The following SAMSN1 variants were observed in gnomAD, a reference collection of about 807,000 sequenced individuals.
SAMSN1 encodes the protein SAM domain-containing protein SAMSN-1.
Under a neutral mutation model 42.0 loss-of-function variants are expected in SAMSN1, and 31 were observed. The ratio of observed to expected loss-of-function variants is 0.74; its 90% CI spans 0.55 to 1.00. SAMSN1 has a LOEUF of 1.00. SAMSN1 is among the 50% of genes least tolerant of loss of function. The pLI is 0.00. For synonymous variants in SAMSN1, 178 were observed against 151.9 expected, an observed-to-expected ratio of 1.17 and a Z score of -1.26; for missense variants, 464 against 439.4, an observed-to-expected ratio of 1.06 and a Z score of -0.50.
intron 7 of SAMSN1, among the ~76,000 whole-genome samples, chr21:14,492,860 C>G (rs185310325): frequency 6.6e-6 from 1 of 152,280 alleles, no homozygotes; most frequent in Non-Finnish European, 1.5e-5. Context: ...TGCCTGCATG[C>G]TTTCTCTACT....
chr21:14,522,404 T>G (rs1321318817), intron 1 of SAMSN1, among the ~76,000 whole-genome samples: 1 of 152,228 alleles, frequency 6.6e-6, no homozygotes, highest in Non-Finnish European at 1.5e-5. Context: ...ATTTTCTTTC[T>G]AAAGGACTTT....
At chr21:14,641,437 TA>T (rs1863836887) in intron 2 of SAMSN1, among the ~76,000 whole-genome samples, 1 of 152,146 alleles carries the variant, frequency 6.6e-6, no homozygotes, top group South Asian at 2.1e-4. Flanking sequence ...GCGCAAAACT[TA>T]AAAGTAATTT....
At chr21:14,625,928 G>C (rs1029407100) in intron 2 of SAMSN1, among the ~76,000 whole-genome samples, 1 of 152,168 alleles carries the variant, frequency 6.6e-6, no homozygotes, top group Non-Finnish European at 1.5e-5. Context: ...TACTAAAACA[G>C]AGATATAGAC....
chr21:14,599,533 CT>C (rs774582478), intron 6 of SAMSN1, among the ~76,000 whole-genome samples: 2 of 152,152 alleles, frequency 1.3e-5, no homozygotes, highest in East Asian at 3.9e-4. Flanking sequence ...TGAGAGAGGA[CT>C]AATACATGGG....
chr21:14,546,253 C>T lies in SAMSN1; in HGVS notation c.9G>A (p.Lys3=). 1 of 1,613,546 alleles carries T rather than the reference C, an allele frequency of 6.2e-7. No homozygotes were observed. Among genetic ancestry groups the T allele is most frequent in the Non-Finnish European group, 8.5e-7 (1 of 1,179,736 alleles). Residue 3 remains lysine, a synonymous_variant, in exon 1 of 8, where the codon AAG becomes AAA. Coordinates refer to ENST00000400566, the MANE Select transcript of SAMSN1 (RefSeq NM_022136.5). The stretch of plus-strand genomic sequence containing the variant: ...TCTCTGAAACATTGGATGGCTTTCT[C>T]TTGAGCATTTTGAATTCTGACTACT... The part of the protein sequence containing the change: ML[K]RKPSNVSEKE...
chr21:14,523,056 T>TC (rs1006986513), intron 1 of SAMSN1, among the ~76,000 whole-genome samples: 9 of 152,196 alleles, frequency 5.9e-5, no homozygotes, highest in African/African-American at 2.2e-4. Flanking sequence ...AGGAACTGAT[T>TC]TTTTTTTCTC....
At chr21:14,513,341 T>G (rs1474111358) in intron 3 of SAMSN1, among the ~76,000 whole-genome samples, 1 of 152,242 alleles carries the variant, frequency 6.6e-6, no homozygotes, top group African/African-American at 2.4e-5. Flanking sequence ...ACACTCAGTT[T>G]GATTCTCCAC....
exon 4 of SAMSN1, chr21:14,612,894 A>G: frequency 1.4e-6 from 1 of 707,422 alleles, no homozygotes; most frequent in Non-Finnish European, 2.6e-6. Flanking sequence ...TTATTTTCAG[A>G]CATAAATCTC....
intron 2 of SAMSN1, among the ~76,000 whole-genome samples, chr21:14,518,048 C>T (rs533728483): frequency 6.6e-6 from 1 of 152,292 alleles, no homozygotes; most frequent in South Asian, 2.1e-4. Context: ...TAAAGTATTG[C>T]CATGCTAGCC....
At chr21:14,486,208 G>T in intron 7 of SAMSN1, 94 bp from the exon 8 acceptor site, 1 of 829,098 alleles carries the variant, frequency 1.2e-6, no homozygotes, top group Non-Finnish European at 2.0e-6. Context: ...TATTTTAACT[G>T]TTCTAACCAT....
chr21:14,649,778 C>CACACAT (rs766854251), intron 1 of SAMSN1, among the ~76,000 whole-genome samples: 27,249 of 145,408 alleles, frequency 0.19, 2,419 homozygotes, highest in African/African-American at 0.25. Context: ...TCAAAACACA[C>CACACAT]ACACACACAC....
At chr21:14,535,623 A>G (rs1002226722) in intron 1 of SAMSN1, among the ~76,000 whole-genome samples, 1 of 152,206 alleles carries the variant, frequency 6.6e-6, no homozygotes, top group African/African-American at 2.4e-5. Flanking sequence ...AAAATCAAGT[A>G]AAAAATGTGA....
At chr21:14,583,536 A>T, upstream of SAMSN1, 3 of 593,404 alleles carry the variant, frequency 5.1e-6, no homozygotes, top group Non-Finnish European at 9.1e-6. Flanking sequence ...AATAAAAAAA[A>T]ATCCTCAATG....
chr21:14,566,506 T>C (rs1158506959), intron 2 of SAMSN1, among the ~76,000 whole-genome samples: 1 of 151,902 alleles, frequency 6.6e-6, no homozygotes, highest in East Asian at 1.9e-4. Context: ...GGTTGGCCCA[T>C]AAAAAAATCT....
At chr21:14,626,916 G>T (rs1367446168) in intron 2 of SAMSN1, among the ~76,000 whole-genome samples, 2 of 152,038 alleles carry the variant, frequency 1.3e-5, no homozygotes, top group African/African-American at 4.8e-5. Context: ...AGAAAATATG[G>T]CACATATACA....
chr21:14,592,912 G>T (rs114317251), intron 7 of SAMSN1, among the ~76,000 whole-genome samples: 1 of 152,162 alleles, frequency 6.6e-6, no homozygotes, highest in African/African-American at 2.4e-5. Context: ...TATTTACTGA[G>T]GTTCATTTGT....
chr21:14,646,781 A>G (rs1983721765), intron 1 of SAMSN1, among the ~76,000 whole-genome samples: 1 of 152,208 alleles, frequency 6.6e-6, no homozygotes, highest in Admixed American at 6.5e-5. Flanking sequence ...AGACAAAGTT[A>G]ATGTATAGAG....
At chr21:14,533,275 G>GA (rs1031744027) in intron 1 of SAMSN1, among the ~76,000 whole-genome samples, 2 of 151,374 alleles carry the variant, frequency 1.3e-5, no homozygotes, top group South Asian at 2.1e-4. Context: ...GTATTCAGGG[G>GA]AAAAAAAACC....
intron 1 of SAMSN1, among the ~76,000 whole-genome samples, chr21:14,539,479 A>G (rs980575489): frequency 6.6e-6 from 1 of 152,156 alleles, no homozygotes; most frequent in Non-Finnish European, 1.5e-5. Flanking sequence ...GAAAATCACA[A>G]GCATTCTTAC....
Sources: gnomAD v4.1 joint callset for allele counts (sites outside exome capture counted in the v4.1 genomes callset) on GRCh38, gnomAD v4.1.1 for gene constraint, MANE v1.5 for transcripts, NCBI Gene and HGNC (gene_info 2026-07-23, HGNC 2026-07-21) for gene names.